ADGRL2: variants seen among roughly 807,000 people sequenced by gnomAD.
The protein encoded by ADGRL2 is calcium-independent alpha-latrotoxin receptor 2.
Under a neutral mutation model 157.4 loss-of-function variants are expected in ADGRL2, and 44 were observed. The observed-to-expected ratio is 0.28, with a 90% CI of 0.22 to 0.36. The LOEUF is 0.36. Among genes scored for constraint, ADGRL2 ranks in the 10% least tolerant of loss-of-function variants. ADGRL2 has a pLI of 1.00. For synonymous variants in ADGRL2, 585 were observed against 624.7 expected (o/e 0.94, Z 0.95); for missense variants, 1,510 against 1,768.9 (o/e 0.85, Z 2.63).
chr1:81,541,787 T>TG (rs1323262101), intron 2 of ADGRL2, among the ~76,000 whole-genome samples: 1 of 134,098 alleles, frequency 7.5e-6, no homozygotes, highest in Non-Finnish European at 1.6e-5. Context: ...CCGTCTCTAC[T>TG]AAAAAAAAAA....
At position 81,871,850 on chromosome 1, in the gene ADGRL2, G is replaced by A. The variant is rs567067421; in HGVS notation, c.73+34793G>A. Among the ~76,000 whole-genome samples the A allele has an allele frequency of 8.5e-4, 130 of 152,250 alleles. 1 individual carries two copies. The highest frequency in any genetic ancestry group is 2.9e-5 in the Non-Finnish European group (2 of 68,008). On this transcript the variant is annotated intron_variant, in intron 2 of 23. Coordinates refer to ENST00000686636, the MANE Select transcript of ADGRL2 (RefSeq NM_001366006.2). ...ATATTAGTCCTTTGTCAGATGGGTAGATTGCAAAAATTTTCTCCCATTCTG... is the reference window on the plus strand; with the variant it reads ...ATATTAGTCCTTTGTCAGATGGGTAAATTGCAAAAATTTTCTCCCATTCTG...
At chr1:81,942,374 A>G (rs558985242) in intron 5 of ADGRL2, among the ~76,000 whole-genome samples, 2 of 151,908 alleles carry the variant, frequency 1.3e-5, no homozygotes, top group Admixed American at 6.6e-5. Context: ...ATAGCATGCC[A>G]TGGTTACAGG....
rs575541190 is a variant in ADGRL2 at position 81,762,265 on chromosome 1, A to G, written c.-101+413A>G. ...CCTTTGGAATTGTTACTGTTACATA[A>G]AAACTGATTGTAATTTATGTTTGAC... is the stretch of plus-strand genomic sequence containing the variant. On this transcript the variant is annotated intron_variant, in intron 2 of 20. Coordinates refer to the ADGRL2 transcript ENST00000359929. 1.2e-3 allele frequency among the ~76,000 whole-genome samples: 180 copies of G among 152,294 alleles called. 1 individual carries two copies. The Middle Eastern group carries it at 0.02, about 17-fold the overall frequency.
chr1:81,722,600 C>T (rs766048695), intron 1 of ADGRL2: 6 of 1,444,662 alleles, frequency 4.2e-6, no homozygotes, highest in African/African-American at 1.4e-5. Context: ...GAAGATGTAG[C>T]CCATGATCTT....
intron 1 of ADGRL2, among the ~76,000 whole-genome samples, chr1:81,345,323 C>T (rs950342361): frequency 3.3e-5 from 5 of 152,162 alleles, no homozygotes; most frequent in South Asian, 2.1e-4. Flanking sequence ...CTTCCTGGTG[C>T]GCTTATCCAA....
At chr1:81,604,541 A>G (rs1352529857) in intron 3 of ADGRL2, among the ~76,000 whole-genome samples, 1 of 152,212 alleles carries the variant, frequency 6.6e-6, no homozygotes, top group African/African-American at 2.4e-5. Context: ...TACATTGTTG[A>G]GATTTTATAA....
chr1:81,440,953 C>T (rs1223302364), intron 1 of ADGRL2, among the ~76,000 whole-genome samples: 2 of 152,206 alleles, frequency 1.3e-5, no homozygotes, highest in Non-Finnish European at 2.9e-5. Context: ...ATCTTCCTCA[C>T]AGCTTTAGAC....
intron 11 of ADGRL2, among the ~76,000 whole-genome samples, chr1:81,965,217 T>C (rs1656692001): frequency 6.6e-6 from 1 of 152,214 alleles, no homozygotes; most frequent in Non-Finnish European, 1.5e-5. Flanking sequence ...AAGGTCCAGA[T>C]AGTATATATT....
intron 2 of ADGRL2, chr1:81,505,998 G>A: frequency 5.4e-6 from 1 of 186,240 alleles, no homozygotes; most frequent in Non-Finnish European, 1.1e-5. Context: ...AGGAGTTTCT[G>A]TTCCTGTTCT....
chr1:81,884,581 A>G (rs543027005), intron 2 of ADGRL2, among the ~76,000 whole-genome samples: 17 of 152,282 alleles, frequency 1.1e-4, no homozygotes, highest in African/African-American at 3.4e-4. Context: ...GCAAAACACT[A>G]TGTATCTGCT....
chr1:81,979,422 G>C (rs2149421853), intron 17 of ADGRL2, among the ~76,000 whole-genome samples: 1 of 151,854 alleles, frequency 6.6e-6, no homozygotes, highest in East Asian at 1.9e-4. Flanking sequence ...AGATTGGACA[G>C]ATGTTATTAT....
chr1:81,952,155 C>A lies in ADGRL2; in HGVS notation c.1794+13C>A. The A allele has an allele frequency of 1.9e-6, 3 of 1,583,398 alleles. No homozygotes were observed. Among genetic ancestry groups the A allele is most frequent in the Non-Finnish European group, 2.6e-6 (3 of 1,162,156 alleles). ...GAGTTATAACAAGGTAGAGAGAACT[C>A]TTCTGTTATTTTGAATTAGACACTT... On this transcript the variant is annotated intron_variant, in intron 9 of 23. Coordinates refer to ENST00000686636, the MANE Select transcript of ADGRL2 (RefSeq NM_001366006.2).
At chr1:81,587,601 C>T in intron 3 of ADGRL2, among the ~76,000 whole-genome samples, 1 of 152,044 alleles carries the variant, frequency 6.6e-6, no homozygotes, top group East Asian at 1.9e-4. Context: ...GCCCAATAAA[C>T]AAAGCCTTGC....
intron 1 of ADGRL2, among the ~76,000 whole-genome samples, chr1:81,342,863 C>T (rs573856455): frequency 6.6e-6 from 1 of 152,154 alleles, no homozygotes; most frequent in African/African-American, 2.4e-5. Flanking sequence ...AATTCTTTCT[C>T]TTTGCAAAGT....
At chr1:81,659,143 C>T (rs1041979762) in intron 3 of ADGRL2, among the ~76,000 whole-genome samples, 1 of 149,298 alleles carries the variant, frequency 6.7e-6, no homozygotes, top group African/African-American at 2.5e-5. Flanking sequence ...CTCACTGCAA[C>T]CTCCCCCTCC....
chr1:81,692,586 C>T (rs1216533424), intron 3 of ADGRL2, among the ~76,000 whole-genome samples: 1 of 152,088 alleles, frequency 6.6e-6, no homozygotes, highest in Non-Finnish European at 1.5e-5. Flanking sequence ...GAATTGGTGA[C>T]ATTAATAACA....
chr1:81,739,618 C>T (rs1356271027), intron 1 of ADGRL2, among the ~76,000 whole-genome samples: 1 of 152,138 alleles, frequency 6.6e-6, no homozygotes, highest in Non-Finnish European at 1.5e-5. Flanking sequence ...GTAACAATGA[C>T]TTAAATATTA....
rs1347796267 is a variant in ADGRL2 at position 81,992,484 on chromosome 1, AC to A, written c.*1341del. The A allele has an allele frequency of 6.6e-6, 1 of 152,528 alleles. No individual in the cohort carries two copies. The highest frequency in any genetic ancestry group is 1.5e-5 in the Non-Finnish European group (1 of 68,026). The allele number at this position is 152,528 out of a possible 1,614,324, so 9.4% of individuals were successfully genotyped here. A position where few individuals can be genotyped will look rare whatever the true frequency, so the allele number is the denominator to read the frequency against. ...GGCTTTAACATGTTGGTCCATTCCC[AC>A]CTTGGTTTAAGTAACGTCATACCAA... On this transcript the variant is annotated 3_prime_UTR_variant, in exon 24 of 24. Transcript: ENST00000686636.
intron 2 of ADGRL2, among the ~76,000 whole-genome samples, chr1:81,528,098 T>C (rs1249956922): frequency 6.6e-6 from 1 of 152,104 alleles, no homozygotes; most frequent in African/African-American, 2.4e-5. Context: ...AGATATCTTC[T>C]TGCAAGTACA....
Sources: gnomAD v4.1 joint callset for allele counts (sites outside exome capture counted in the v4.1 genomes callset) on GRCh38, gnomAD v4.1.1 for gene constraint, MANE v1.5 for transcripts, NCBI Gene and HGNC (gene_info 2026-07-23, HGNC 2026-07-21) for gene names.